PCSK9: variants seen among roughly 807,000 people sequenced by gnomAD.
The protein encoded by PCSK9 is proprotein convertase subtilisin/kexin type 9.
PCSK9 carries 57 observed loss-of-function variants against 62.1 expected under a neutral mutation model. That is an observed-to-expected ratio of 0.92 (90% CI 0.74 to 1.14). The LOEUF (loss-of-function observed/expected upper bound fraction) is 1.14. PCSK9 is among the 50% of genes most tolerant of loss of function. The pLI, the probability that PCSK9 is intolerant of heterozygous loss-of-function variation, is 0.00. For synonymous variants in PCSK9, 387 were observed against 409.4 expected, an observed-to-expected ratio of 0.95 and a Z score of 0.66; for missense variants, 870 against 959.8, an observed-to-expected ratio of 0.91 and a Z score of 1.24.
In PCSK9 at chr1:55,052,411, G is replaced by A. The variant is rs1431852989; in HGVS notation, c.657G>A (p.Gln219=). 1.2e-6 allele frequency: 2 copies of A among 1,613,794 alleles called. No individual in the cohort carries two copies. Among genetic ancestry groups the A allele is most frequent in the Non-Finnish European group, 1.7e-6 (2 of 1,180,028 alleles). Residue 219 remains glutamine (Q), a splice_region_variant and synonymous_variant, in exon 4 of 12, where the codon CAG becomes CAA. Coordinates refer to ENST00000302118, the MANE Select transcript of PCSK9 (RefSeq NM_174936.4). The part of the protein sequence containing the change: ...PEEDGTRFHR[Q]ASKCDSHGTH... ...AGGACGGGACCCGCTTCCACAGACA[G>A]GTAAGCACGGCCGTCTGATGGGAGG...
chr1:55,054,423 T>C (rs1189664921), intron 5 of PCSK9, among the ~76,000 whole-genome samples: 1 of 152,154 alleles, frequency 6.6e-6, no homozygotes, highest in Admixed American at 6.5e-5. Context: ...TAAATGTGGC[T>C]GTTGTTCTTC....
intron 6 of PCSK9, 108 bp from the exon 7 acceptor site, chr1:55,057,223 C>T: frequency 1.4e-6 from 2 of 1,381,700 alleles, no homozygotes; most frequent in Admixed American, 3.4e-5. Context: ...GAGTGGGACC[C>T]AAACAGGTGT....
rs1210030445 is a variant in PCSK9 at position 55,052,725 on chromosome 1, G to A, written c.733G>A (p.Ala245Thr). 6.2e-7 allele frequency: 1 copy of A among 1,613,170 alleles called. No individual in the cohort carries two copies. The highest frequency in any genetic ancestry group is 8.5e-7 in the Non-Finnish European group (1 of 1,180,010). Residue 245 changes from alanine (A) to threonine (T), a missense_variant, in exon 5 of 12, where the codon GCC becomes ACC. Transcript: ENST00000302118. ...SGRDAGVAKG[A>T]SMRSLRVLNC... ...CCGGGATGCCGGCGTGGCCAAGGGT[G>A]CCAGCATGCGCAGCCTGCGCGTGCT... is the stretch of plus-strand genomic sequence containing the variant.
Position 55,039,710 on chromosome 1 carries a change from C to A in PCSK9, c.-128C>A. 2 of 1,160,202 alleles carry A rather than the reference C, an allele frequency of 1.7e-6. No homozygotes were observed. Among genetic ancestry groups the A allele is most frequent in the Non-Finnish European group, 2.4e-6 (2 of 819,436 alleles). The allele number at this position is 1,160,202 out of a possible 1,614,324, so 71.9% of individuals were successfully genotyped here. ...AGCCAGGATTCCGCGCGCCCCTTCACGCGCCCTGCTCCTGAACTTCAGCTC... is the reference window on the plus strand; with the variant it reads ...AGCCAGGATTCCGCGCGCCCCTTCAAGCGCCCTGCTCCTGAACTTCAGCTC... On this transcript the variant is annotated 5_prime_UTR_variant, in exon 1 of 12. Transcript: ENST00000302118.
In PCSK9 at chr1:55,061,373, A is replaced by G; in HGVS notation, c.1682-2A>G. 1 of 1,605,440 alleles carries G rather than the reference A, an allele frequency of 6.2e-7. No homozygotes were observed. Among genetic ancestry groups the G allele is most frequent in the East Asian group, 2.2e-5 (1 of 44,686 alleles). ...ATCTGAGCTGGCTTTCCTCTGCCCCAGGCTGCAGCTCCCACTGGGAGGTGG... is the reference window on the plus strand; with the variant it reads ...ATCTGAGCTGGCTTTCCTCTGCCCCGGGCTGCAGCTCCCACTGGGAGGTGG... On this transcript the variant is annotated splice_acceptor_variant, in intron 10 of 11. Coordinates refer to ENST00000302118, the MANE Select transcript of PCSK9 (RefSeq NM_174936.4). LOFTEE classifies it high-confidence loss of function.
At chr1:55,058,275 T>G in intron 8 of PCSK9, 66 bp downstream of exon 8, 4 of 1,554,766 alleles carry the variant, frequency 2.6e-6, no homozygotes, top group Non-Finnish European at 3.5e-6. Context: ...ACCTTGACAG[T>G]CTCTCCCTTC....
intron 5 of PCSK9, among the ~76,000 whole-genome samples, chr1:55,054,858 A>G (rs1644700513): frequency 6.6e-6 from 1 of 152,132 alleles, no homozygotes; most frequent in Non-Finnish European, 1.5e-5. Context: ...ACAAAAAATT[A>G]GCCGGGCGTG....
rs1644777811 is a variant in PCSK9, at chr1:55,063,455, A to C, written c.1950A>C (p.Val650=). 1.2e-6 allele frequency: 2 copies of C among 1,614,128 alleles called. No homozygotes were observed. Among genetic ancestry groups the C allele is most frequent in the Non-Finnish European group, 1.7e-6 (2 of 1,180,018 alleles). ...CCCACGTCCTGGGGGCCTACGCCGT[A>C]GACAACACGTGTGTAGTCAGGAGCC... The part of the protein sequence containing the change: ...GTSHVLGAYA[V]DNTCVVRSRD... The change falls in exon 12 of 12, where the codon GTA becomes GTC. Residue 650 remains valine, a synonymous_variant. Coordinates refer to ENST00000302118, the MANE Select transcript of PCSK9 (RefSeq NM_174936.4).
Position 55,039,790 on chromosome 1 carries a change from C to A in PCSK9, c.-48C>A. 5 of 1,562,274 alleles carry A rather than the reference C, an allele frequency of 3.2e-6. No homozygotes were observed. Among genetic ancestry groups the A allele is most frequent in the Non-Finnish European group, 4.3e-6 (5 of 1,152,524 alleles). ...AGGCGCCGCCGGCGTGGACCGCGCA[C>A]GGCCTCTAGGTCTCCTCGCCAGGAC... On this transcript the variant is annotated 5_prime_UTR_variant, in exon 1 of 12. Coordinates refer to ENST00000302118, the MANE Select transcript of PCSK9 (RefSeq NM_174936.4).
chr1:55,056,768 C>T (rs929454139), intron 6 of PCSK9, among the ~76,000 whole-genome samples: 1 of 152,206 alleles, frequency 6.6e-6, no homozygotes, highest in South Asian at 2.1e-4. Context: ...ACCGTCCCTC[C>T]TCTGACCCAC....
intron 7 of PCSK9, 70 bp downstream of exon 7, chr1:55,057,584 G>T: frequency 6.6e-7 from 1 of 1,514,196 alleles, no homozygotes; most frequent in African/African-American, 1.4e-5. Flanking sequence ...GGTCTGTGCC[G>T]GGACCTCCAG....
rs1194224745 is a variant in PCSK9 at position 55,052,297 on chromosome 1, G to A, written c.543G>A (p.Glu181=). The change falls in exon 4 of 12, where the codon GAG becomes GAA. Residue 181 remains glutamate, a synonymous_variant. Transcript: ENST00000302118. The part of the protein sequence containing the change: ...YQPPDGGSLV[E]VYLLDTSIQS... ...GGAAAGACGGAGGCAGCCTGGTGGA[G>A]GTGTATCTCCTAGACACCAGCATAC... 6.2e-7 allele frequency: 1 copy of A among 1,614,026 alleles called. No individual in the cohort carries two copies. Among genetic ancestry groups the A allele is most frequent in the Non-Finnish European group, 8.5e-7 (1 of 1,180,034 alleles).
chr1:55,043,281 G>C (rs1483527445), intron 1 of PCSK9, among the ~76,000 whole-genome samples: 1 of 152,232 alleles, frequency 6.6e-6, no homozygotes, highest in Non-Finnish European at 1.5e-5. Context: ...AGAGCATCTG[G>C]ATGGGAGATT....
At chr1:55,050,756 G>A (rs796745865) in intron 3 of PCSK9, among the ~76,000 whole-genome samples, 59 of 152,334 alleles carry the variant, frequency 3.9e-4, no homozygotes, top group African/African-American at 1.3e-3. Flanking sequence ...TGGGATCTCA[G>A]AGCAGCCACT....
chr1:55,061,160 T>A (rs575827041), intron 10 of PCSK9, among the ~76,000 whole-genome samples: 1 of 152,292 alleles, frequency 6.6e-6, no homozygotes, highest in South Asian at 2.1e-4. Context: ...TCAGAGAGGT[T>A]GAATGGCTCT....
chr1:55,060,040 C>T (rs1644747211), intron 10 of PCSK9, among the ~76,000 whole-genome samples: 1 of 152,200 alleles, frequency 6.6e-6, no homozygotes, highest in Non-Finnish European at 1.5e-5. Flanking sequence ...GTTTGAATTT[C>T]ACCCTGCCGC....
intron 1 of PCSK9, among the ~76,000 whole-genome samples, chr1:55,042,189 A>G (rs1005271821): frequency 7.3e-5 from 11 of 151,584 alleles, no homozygotes; most frequent in African/African-American, 2.4e-4. Flanking sequence ...TCCTCAGTGG[A>G]TCCGAGGAGG....
chr1:55,053,539 A>C (rs911930911), intron 5 of PCSK9, among the ~76,000 whole-genome samples: 3 of 152,138 alleles, frequency 2.0e-5, no homozygotes, highest in Non-Finnish European at 4.4e-5. Context: ...GAAAACTGTC[A>C]GCTCTGGGCA....
Position 55,056,126 on chromosome 1 carries a change from G to C in PCSK9, c.933G>C (p.Leu311=). The change falls in exon 6 of 12, where the codon CTG becomes CTC. Residue 311 remains leucine, a synonymous_variant. Transcript: ENST00000302118. ...CQRLARAGVV[L]VTAAGNFRDD... ...GCCTGGCGAGGGCTGGGGTCGTGCT[G>C]GTCACCGCTGCCGGCAACTTCCGGG... The C allele has an allele frequency of 6.4e-7, 1 of 1,572,176 alleles. No homozygotes were observed. The highest frequency in any genetic ancestry group is 8.7e-7 in the Non-Finnish European group (1 of 1,153,574).
Sources: allele counts gnomAD v4.1 joint callset (sites outside exome capture counted in the v4.1 genomes callset), GRCh38; gene constraint gnomAD v4.1.1; transcripts MANE v1.5; gene names NCBI Gene and HGNC (gene_info 2026-07-23, HGNC 2026-07-21).